Variants in VRK1 observed in about 807,000 individuals in gnomAD.
VRK1 encodes serine/threonine-protein kinase VRK1.
In VRK1, 33 loss-of-function variants were observed where a neutral mutation model predicts 57.1. The ratio of observed to expected loss-of-function variants is 0.58; its 90% confidence interval spans 0.44 to 0.77. VRK1 has a LOEUF of 0.77. Ranked by LOEUF, VRK1 falls within the 30% of genes least tolerant of loss-of-function variation. VRK1 has a pLI of 0.00. For missense variants in VRK1, 413 were observed against 477.3 expected (o/e 0.87, Z 1.25); for synonymous variants, 137 against 147.8 (o/e 0.93, Z 0.53).
At chr14:96,836,605 T>G (rs377177888) in intron 2 of VRK1, among the ~76,000 whole-genome samples, 2 of 149,812 alleles carry the variant, frequency 1.3e-5, no homozygotes, top group African/African-American at 4.9e-5. Context: ...TCACTGCTAC[T>G]TCTGCCTTTC....
chr14:96,821,984 T>A (rs993101626), intron 1 of VRK1, among the ~76,000 whole-genome samples: 9 of 150,998 alleles, frequency 6.0e-5, no homozygotes, highest in Non-Finnish European at 7.4e-5. Flanking sequence ...TTTTTTTTTT[T>A]AACAAGTTTT....
chr14:96,826,538 C>T (rs184189671), intron 1 of VRK1, among the ~76,000 whole-genome samples: 1 of 152,108 alleles, frequency 6.6e-6, no homozygotes, highest in Non-Finnish European at 1.5e-5. Flanking sequence ...TCTTTGAAAC[C>T]TCTCTGTTGC....
At chr14:96,861,869 G>A (rs1888402686) in intron 11 of VRK1, among the ~76,000 whole-genome samples, 4 of 152,170 alleles carry the variant, frequency 2.6e-5, no homozygotes, top group Admixed American at 2.6e-4. Flanking sequence ...GGAAGCCTGA[G>A]TGGAATTTTT....
intron 1 of VRK1, among the ~76,000 whole-genome samples, chr14:96,828,269 G>A (rs548326438): frequency 7.2e-5 from 11 of 152,224 alleles, no homozygotes; most frequent in Admixed American, 1.3e-4. Context: ...TTGCTGGGTC[G>A]GTTAGCAGGT....
chr14:96,879,182 A>AC (rs1889155238), intron 12 of VRK1, among the ~76,000 whole-genome samples: 1 of 152,002 alleles, frequency 6.6e-6, no homozygotes, highest in Non-Finnish European at 1.5e-5. Context: ...TTCTGATTGG[A>AC]CCCTTTGCCA....
chr14:96,848,539 G>C (rs781229482), intron 5 of VRK1, among the ~76,000 whole-genome samples: 56 of 152,192 alleles, frequency 3.7e-4, no homozygotes, highest in Non-Finnish European at 6.3e-4. Context: ...CTCTTAGGGA[G>C]TGTGGGGATC....
chr14:96,808,385 A>G (rs1015863904), intron 1 of VRK1, among the ~76,000 whole-genome samples: 2 of 152,154 alleles, frequency 1.3e-5, no homozygotes, highest in Admixed American at 1.3e-4. Context: ...TGGGTTACCA[A>G]GCTCCATTGA....
intron 1 of VRK1, among the ~76,000 whole-genome samples, chr14:96,827,257 A>G (rs9635293): frequency 0.064 from 9,667 of 152,138 alleles, 351 homozygotes; most frequent in South Asian, 0.11. Context: ...CTCTATTTAT[A>G]TACTCGAGCC....
chr14:96,855,958 T>G (rs892127917), intron 8 of VRK1, among the ~76,000 whole-genome samples, 172 bp from the exon 9 acceptor site: 3 of 152,242 alleles, frequency 2.0e-5, no homozygotes, highest in Non-Finnish European at 4.4e-5. Context: ...GGAGGTAAGC[T>G]ATTTCTTTTA....
intron 10 of VRK1, among the ~76,000 whole-genome samples, chr14:96,858,020 A>G (rs1253938955): frequency 2.6e-5 from 4 of 151,998 alleles, no homozygotes; most frequent in Non-Finnish European, 1.5e-5. Context: ...TCACTTAGTA[A>G]TGTATTTGTG....
At chr14:96,876,789 AAAC>A (rs1395761315) in intron 12 of VRK1, among the ~76,000 whole-genome samples, 2 of 150,794 alleles carry the variant, frequency 1.3e-5, no homozygotes, top group African/African-American at 2.4e-5. Context: ...AAAAAAAAAA[AAAC>A]ACAAAAAAAC....
At chr14:96,802,886 G>A (rs1885718850) in intron 1 of VRK1, among the ~76,000 whole-genome samples, 2 of 152,176 alleles carry the variant, frequency 1.3e-5, no homozygotes, top group African/African-American at 4.8e-5. Flanking sequence ...GAACATTAAT[G>A]TACAGGTTCT....
At chr14:96,803,929 T>C (rs889227120) in intron 1 of VRK1, among the ~76,000 whole-genome samples, 2 of 152,244 alleles carry the variant, frequency 1.3e-5, no homozygotes, top group Admixed American at 6.5e-5. Context: ...TACAAAATCC[T>C]TTGCCAAATA....
chr14:96,875,906 C>T (rs2139845523), intron 11 of VRK1, 124 bp from the exon 12 acceptor site: 1 of 982,934 alleles, frequency 1.0e-6, no homozygotes, highest in Non-Finnish European at 1.6e-6. Flanking sequence ...AATATTCTTC[C>T]TGTGTGTTTT....
chr14:96,829,164 A>G (rs1408040521), intron 1 of VRK1, among the ~76,000 whole-genome samples: 1 of 152,186 alleles, frequency 6.6e-6, no homozygotes, highest in African/African-American at 2.4e-5. Flanking sequence ...CATAGTTTAC[A>G]GGAAATAAAG....
At chr14:96,836,125 A>C (rs2080859413) in intron 2 of VRK1, among the ~76,000 whole-genome samples, 1 of 152,278 alleles carries the variant, frequency 6.6e-6, no homozygotes, top group African/African-American at 2.4e-5. Context: ...GATGCTTTAA[A>C]AATTTTTTTA....
intron 1 of VRK1, among the ~76,000 whole-genome samples, chr14:96,811,032 C>T (rs1380097387): frequency 7.9e-5 from 12 of 152,028 alleles, no homozygotes; most frequent in East Asian, 7.7e-4. Flanking sequence ...TGGGTTCAAG[C>T]GGTTCTCCCA....
chr14:96,844,134 T>C (rs1305339211), intron 3 of VRK1, among the ~76,000 whole-genome samples: 1 of 152,222 alleles, frequency 6.6e-6, no homozygotes, highest in East Asian at 1.9e-4. Context: ...TGAATTTCTT[T>C]TTCTTAACGC....
At chr14:96,829,575 T>G (rs1377766171) in intron 1 of VRK1, among the ~76,000 whole-genome samples, 2 of 152,190 alleles carry the variant, frequency 1.3e-5, no homozygotes, top group Non-Finnish European at 2.9e-5. Context: ...CTTCCATATC[T>G]GAATCCTGAT....
Sources: allele counts gnomAD v4.1 joint callset (sites outside exome capture counted in the v4.1 genomes callset), GRCh38; gene constraint gnomAD v4.1.1; transcripts MANE v1.5; gene names NCBI Gene and HGNC (gene_info 2026-07-23, HGNC 2026-07-21).